The following NRG3 variants were observed in gnomAD, a reference collection of about 807,000 sequenced individuals.
NRG3 encodes pro-neuregulin-3, membrane-bound isoform.
In NRG3, 31 loss-of-function variants were observed where a neutral mutation model predicts 66.9. The ratio of observed to expected loss-of-function variants is 0.46; its 90% CI spans 0.35 to 0.63. The LOEUF is 0.63. Ranked by LOEUF, NRG3 falls within the 20% of genes least tolerant of loss-of-function variation. The probability of loss-of-function intolerance (pLI) is 0.00; values close to 1 mark genes in which losing one functional copy is unlikely to be tolerated. For synonymous variants in NRG3, 393 were observed against 359.4 expected (o/e 1.09, Z -1.06); for missense variants, 910 against 878.9 (o/e 1.04, Z -0.45).
rs200053360 is a variant in NRG3, at chr10:82,086,408, A to AT, written c.823+210256dup. 3.3e-3 allele frequency among the ~76,000 whole-genome samples: 485 copies of AT among 148,752 alleles called. 1 individual carries two copies. The highest frequency in any genetic ancestry group is 0.01 in the African/African-American group (428 of 40,780). ...GTGATGGAAATCAGATTGCAGTTCAATTTTTTTTTTTAAAGACTGTACTCC... is the reference window on the plus strand; with the variant it reads ...GTGATGGAAATCAGATTGCAGTTCAATTTTTTTTTTTTAAAGACTGTACTCC... On this transcript the variant is annotated intron_variant, in intron 1 of 8. Coordinates refer to ENST00000372141, the MANE Select transcript of NRG3 (RefSeq NM_001010848.4).
intron 1 of NRG3, among the ~76,000 whole-genome samples, chr10:82,019,773 C>T (rs1292855912): frequency 2.6e-5 from 4 of 151,986 alleles, no homozygotes; most frequent in Non-Finnish European, 5.9e-5. Context: ...TCTGTGGGAT[C>T]GGTGGTGATA....
At chr10:82,456,284 T>A (rs2091263592) in intron 2 of NRG3, among the ~76,000 whole-genome samples, 1 of 151,812 alleles carries the variant, frequency 6.6e-6, no homozygotes, top group South Asian at 2.1e-4. Context: ...GGACTAAAAG[T>A]ATGTGCTACA....
At chr10:82,708,002 A>G (rs2056426231) in intron 2 of NRG3, among the ~76,000 whole-genome samples, 1 of 152,120 alleles carries the variant, frequency 6.6e-6, no homozygotes, top group African/African-American at 2.4e-5. Context: ...ATCCTGGGCA[A>G]CACAGTAGAC....
chr10:82,420,150 G>A (rs2088953537), intron 2 of NRG3, among the ~76,000 whole-genome samples: 1 of 152,098 alleles, frequency 6.6e-6, no homozygotes. Flanking sequence ...CTCAGTCTGG[G>A]TTTCTGGCTT....
At chr10:82,172,433 C>A (rs1383069996) in intron 1 of NRG3, among the ~76,000 whole-genome samples, 5 of 152,216 alleles carry the variant, frequency 3.3e-5, no homozygotes, top group Middle Eastern at 6.8e-3. Context: ...GAACCCCAAA[C>A]ATGAAGAAGA....
Position 82,143,969 on chromosome 10 carries a change from G to A in NRG3, c.824-214770G>A, listed in dbSNP as rs12781435. Among the ~76,000 whole-genome samples the A allele has an allele frequency of 9.8e-4, 148 of 151,220 alleles. 1 individual carries two copies. Among genetic ancestry groups the A allele is most frequent in the Non-Finnish European group, 1.7e-3 (115 of 67,876 alleles). ...CGCTGGAGCCTGGGAGGTCAAGGCT[G>A]CAGTGAGCTGTGATTGTGCTACTGC... On this transcript the variant is annotated intron_variant, in intron 1 of 8. Coordinates refer to ENST00000372141, the MANE Select transcript of NRG3 (RefSeq NM_001010848.4).
chr10:82,980,537 A>G (rs1266156503), intron 8 of NRG3, among the ~76,000 whole-genome samples: 2 of 152,122 alleles, frequency 1.3e-5, no homozygotes, highest in African/African-American at 4.8e-5. Flanking sequence ...TGTCTCTATC[A>G]GGCTAAAGAT....
intron 1 of NRG3, among the ~76,000 whole-genome samples, chr10:82,217,807 AGT>A (rs1293284305): frequency 6.6e-6 from 1 of 152,218 alleles, no homozygotes; most frequent in African/African-American, 2.4e-5. Flanking sequence ...AATGCATGGC[AGT>A]AATACATCCT....
intron 6 of NRG3, among the ~76,000 whole-genome samples, chr10:82,959,641 C>T (rs946709031): frequency 2.0e-5 from 3 of 152,070 alleles, no homozygotes; most frequent in South Asian, 2.1e-4. Context: ...GAAGCCAGAA[C>T]ATGCAGGAAG....
chr10:81,926,529 T>A (rs908093991), intron 1 of NRG3, among the ~76,000 whole-genome samples: 1 of 152,086 alleles, frequency 6.6e-6, no homozygotes, highest in Non-Finnish European at 1.5e-5. Flanking sequence ...ATTTAATTTT[T>A]ATTTTTTTTT....
intron 1 of NRG3, among the ~76,000 whole-genome samples, chr10:82,301,820 C>G (rs563066780): frequency 1.3e-5 from 2 of 151,462 alleles, no homozygotes; most frequent in African/African-American, 4.8e-5. Flanking sequence ...CTGTTACTAA[C>G]TTTTGTTTTG....
At chr10:82,055,552 A>G (rs1218650334) in intron 1 of NRG3, among the ~76,000 whole-genome samples, 3 of 152,102 alleles carry the variant, frequency 2.0e-5, no homozygotes, top group African/African-American at 7.2e-5. Context: ...GGAGTGAGGT[A>G]AAGAGAAAAT....
At chr10:82,799,852 G>A (rs1354599789) in intron 3 of NRG3, 2 of 152,216 alleles carry the variant, frequency 1.3e-5, no homozygotes, top group Admixed American at 6.5e-5. Context: ...TGCCTACAAT[G>A]TAAGTATTCC....
At chr10:82,646,990 T>A (rs570635478) in intron 2 of NRG3, among the ~76,000 whole-genome samples, 1 of 151,944 alleles carries the variant, frequency 6.6e-6, no homozygotes, top group Non-Finnish European at 1.5e-5. Flanking sequence ...TTTATTTTTT[T>A]ATGTTCTCTT....
chr10:82,244,819 C>T (rs1197912717), intron 1 of NRG3, among the ~76,000 whole-genome samples: 3 of 151,976 alleles, frequency 2.0e-5, no homozygotes, highest in Non-Finnish European at 2.9e-5. Flanking sequence ...CTGCAACTGC[C>T]GCCTCCTGGG....
intron 4 of NRG3, among the ~76,000 whole-genome samples, chr10:82,920,313 T>G (rs952820859): frequency 6.6e-6 from 1 of 152,158 alleles, no homozygotes; most frequent in Admixed American, 6.6e-5. Flanking sequence ...TGGTAGTTGG[T>G]GGAAGCCAGA....
chr10:82,724,649 G>T (rs566094225), intron 2 of NRG3, among the ~76,000 whole-genome samples: 1 of 152,152 alleles, frequency 6.6e-6, no homozygotes, highest in African/African-American at 2.4e-5. Flanking sequence ...AAATCAGAAG[G>T]CTGTGGGACT....
In NRG3 at chr10:82,960,646, A is replaced by T. The variant is rs528763272; in HGVS notation, c.1284+1571A>T. On this transcript the variant is annotated intron_variant, in intron 6 of 8. Coordinates refer to ENST00000372141, the MANE Select transcript of NRG3 (RefSeq NM_001010848.4). ...CTTTTCTGATGACATTCCACCACAA[A>T]TGAAGTGAAAATGGCCTGTTCCTGC... Among the ~76,000 whole-genome samples the T allele has an allele frequency of 2.6e-5, 4 of 152,132 alleles. No homozygotes were observed. In the South Asian group the frequency reaches 8.3e-4, roughly 32 times the overall value.
intron 1 of NRG3, among the ~76,000 whole-genome samples, chr10:81,971,310 G>A (rs2059925412): frequency 6.6e-6 from 1 of 152,202 alleles, no homozygotes; most frequent in South Asian, 2.1e-4. Context: ...AAGGTGAACA[G>A]AGGTCTTGGC....
Sources: gnomAD v4.1 joint callset for allele counts (sites outside exome capture counted in the v4.1 genomes callset) on GRCh38, gnomAD v4.1.1 for gene constraint, MANE v1.5 for transcripts, NCBI Gene and HGNC (gene_info 2026-07-23, HGNC 2026-07-21) for gene names.